The following FSTL5 variants were observed in gnomAD, a reference collection of about 807,000 sequenced individuals.
FSTL5 encodes follistatin like 5.
FSTL5 carries 62 observed loss-of-function variants against 89.1 expected under a neutral mutation model. The observed-to-expected ratio is 0.70, with a 90% CI of 0.57 to 0.86. The LOEUF is 0.86. FSTL5 is among the 40% of genes least tolerant of loss of function. The pLI is 0.00. For missense variants in FSTL5, 1,057 were observed against 1,001.6 expected, an observed-to-expected ratio of 1.06 and a Z score of -0.75; for synonymous variants, 383 against 346.2, an observed-to-expected ratio of 1.11 and a Z score of -1.18.
At chr4:161,932,815 GTTT>G in intron 3 of FSTL5, among the ~76,000 whole-genome samples, 1 of 151,828 alleles carries the variant, frequency 6.6e-6, no homozygotes, top group East Asian at 1.9e-4. Context: ...CAAAGTAAAA[GTTT>G]CCCAGTTATT....
chr4:162,104,807 T>TCTTGATATTATTCAGAGTCATTCACTGAA (rs1474420825), intron 2 of FSTL5, among the ~76,000 whole-genome samples: 1 of 152,198 alleles, frequency 6.6e-6, no homozygotes, highest in African/African-American at 2.4e-5. Context: ...CTTTCACAAT[T>TCTTGATATTATTCAGAGTCATTCACTGAA]CTTGATATTA....
chr4:161,769,697 C>A (rs181610512), intron 5 of FSTL5, among the ~76,000 whole-genome samples: 2 of 151,830 alleles, frequency 1.3e-5, no homozygotes, highest in Non-Finnish European at 2.9e-5. Flanking sequence ...AAACCCACAG[C>A]TAGCATCATA....
chr4:161,401,298 T>C (rs1212130971), intron 15 of FSTL5, among the ~76,000 whole-genome samples: 3 of 152,188 alleles, frequency 2.0e-5, no homozygotes, highest in African/African-American at 7.2e-5. Flanking sequence ...GAGAAACATG[T>C]TGAGAAATTT....
At chr4:161,405,757 G>A (rs1347652010) in intron 15 of FSTL5, among the ~76,000 whole-genome samples, 1 of 151,064 alleles carries the variant, frequency 6.6e-6, no homozygotes, top group Non-Finnish European at 1.5e-5. Flanking sequence ...TAACCAAACT[G>A]TTAAAGACAA....
In FSTL5 at chr4:161,808,842, G is replaced by T. The variant is rs78765683; in HGVS notation, c.410-32768C>A. Among the ~76,000 whole-genome samples the T allele has an allele frequency of 9.4e-3, 1,434 of 152,128 alleles. 20 individuals are homozygous for T. The highest frequency in any genetic ancestry group is 0.031 in the East Asian group (160 of 5,170). On this transcript the variant is annotated intron_variant, in intron 4 of 15. Transcript: ENST00000306100. ...ACTTGATTTAAAAAGTGAGCAAAAG[G>T]CTTGAATAGACATTTTCCTAGAAAG...
chr4:161,733,469 C>T (rs372751719), intron 6 of FSTL5, among the ~76,000 whole-genome samples: 22 of 152,018 alleles, frequency 1.4e-4, no homozygotes, highest in African/African-American at 4.8e-4. Flanking sequence ...TATCTGTATG[C>T]TTTTCATGTC....
intron 6 of FSTL5, among the ~76,000 whole-genome samples, chr4:161,686,335 TATATATATA>T (rs1737735749): frequency 3.2e-3 from 27 of 8,498 alleles, no homozygotes; most frequent in Middle Eastern, 0.062. Context: ...TATATATATA[TATATATATA>T]TATTTTTTTT....
chr4:161,397,445 G>T (rs532147858), intron 15 of FSTL5, among the ~76,000 whole-genome samples: 2 of 151,700 alleles, frequency 1.3e-5, no homozygotes, highest in South Asian at 4.2e-4. Flanking sequence ...GAAAATATAG[G>T]CTATATAATA....
intron 10 of FSTL5, among the ~76,000 whole-genome samples, chr4:161,520,384 C>A (rs1439906713): frequency 1.3e-5 from 2 of 150,916 alleles, no homozygotes; most frequent in Non-Finnish European, 1.5e-5. Context: ...AATAAAATAG[C>A]CCATATTTGA....
intron 13 of FSTL5, among the ~76,000 whole-genome samples, chr4:161,466,071 T>C (rs967774211): frequency 6.6e-6 from 1 of 152,232 alleles, no homozygotes; most frequent in African/African-American, 2.4e-5. Context: ...TTGCTTTGTA[T>C]GTTAACATAA....
chr4:161,748,386 GT>G (rs889379863), intron 6 of FSTL5, among the ~76,000 whole-genome samples: 5 of 151,898 alleles, frequency 3.3e-5, no homozygotes, highest in African/African-American at 1.2e-4. Context: ...TCCTGAAAAA[GT>G]TTTTTTAGCA....
intron 4 of FSTL5, among the ~76,000 whole-genome samples, chr4:161,795,224 T>A (rs965331001): frequency 1.3e-5 from 2 of 152,136 alleles, no homozygotes; most frequent in Non-Finnish European, 2.9e-5. Flanking sequence ...AACAATGAAT[T>A]ATTTTTTAGT....
At chr4:161,711,030 G>A (rs1210746891) in intron 6 of FSTL5, among the ~76,000 whole-genome samples, 2 of 152,158 alleles carry the variant, frequency 1.3e-5, no homozygotes, top group Non-Finnish European at 2.9e-5. Context: ...CTTATAAGAT[G>A]TAGGTAAGCA....
At chr4:161,888,438 C>T (rs1436726454) in intron 4 of FSTL5, among the ~76,000 whole-genome samples, 2 of 152,130 alleles carry the variant, frequency 1.3e-5, no homozygotes, top group Admixed American at 1.3e-4. Flanking sequence ...CAAGAAATAG[C>T]ATTTTAGATG....
intron 15 of FSTL5, among the ~76,000 whole-genome samples, chr4:161,402,947 G>A (rs922498664): frequency 2.0e-5 from 3 of 151,534 alleles, no homozygotes; most frequent in African/African-American, 4.9e-5. Context: ...TCAGCCGCCC[G>A]AGTAGCGGGG....
intron 5 of FSTL5, among the ~76,000 whole-genome samples, chr4:161,766,174 C>T (rs957949208): frequency 7.2e-5 from 11 of 152,134 alleles, no homozygotes; most frequent in African/African-American, 2.2e-4. Context: ...ATATACTCAA[C>T]GCAGCTGCTT....
intron 3 of FSTL5, among the ~76,000 whole-genome samples, chr4:162,005,949 G>A (rs968764765): frequency 6.6e-6 from 1 of 152,022 alleles, no homozygotes; most frequent in African/African-American, 2.4e-5. Context: ...CAATTGTGCT[G>A]TTTTTATGTT....
At chr4:161,538,099 T>A (rs1731691683) in intron 10 of FSTL5, 67 bp downstream of exon 10, 1 of 1,525,042 alleles carries the variant, frequency 6.6e-7, no homozygotes, top group Non-Finnish European at 9.0e-7. Flanking sequence ...CTTTACTTTT[T>A]AAAAAAAGCT....
chr4:161,615,618 A>G (rs1311743539), intron 7 of FSTL5, among the ~76,000 whole-genome samples: 2 of 152,090 alleles, frequency 1.3e-5, no homozygotes, highest in African/African-American at 4.8e-5. Flanking sequence ...TGAAAAAATT[A>G]TAACTTTTTT....
Sources: allele counts gnomAD v4.1 joint callset (sites outside exome capture counted in the v4.1 genomes callset), GRCh38; gene constraint gnomAD v4.1.1; transcripts MANE v1.5; gene names NCBI Gene and HGNC (gene_info 2026-07-23, HGNC 2026-07-21).